Variants in ABCC9 observed in about 807,000 individuals in gnomAD.
ABCC9 encodes ATP-binding cassette sub-family C member 9.
A neutral mutation model predicts 188.3 loss-of-function variants in ABCC9; 95 were observed. The ratio of observed to expected loss-of-function variants is 0.50; its 90% CI spans 0.43 to 0.60. The LOEUF is 0.60. Among genes scored for constraint, ABCC9 ranks in the 20% least tolerant of loss-of-function variants. ABCC9 has a pLI of 0.00. For synonymous variants in ABCC9, 659 were observed against 652.7 expected (o/e 1.01, Z -0.15); for missense variants, 1,102 against 1,876.3 (o/e 0.59, Z 7.62).
At chr12:21,814,585 G>T in intron 35 of ABCC9, 59 bp downstream of exon 35, 1 of 1,371,526 alleles carries the variant, frequency 7.3e-7, no homozygotes, top group South Asian at 1.2e-5. Flanking sequence ...TAGGTAAATT[G>T]ATGTTTTTTT....
chr12:21,861,471 ATCAGCCTGCC>A (rs1945503892), intron 20 of ABCC9, among the ~76,000 whole-genome samples: 1 of 152,130 alleles, frequency 6.6e-6, no homozygotes, highest in African/African-American at 2.4e-5. Context: ...AACTTAGGCA[ATCAGCCTGCC>A]TCAGCCTCCC....
chr12:21,907,682 A>G (rs1178710666), intron 11 of ABCC9, among the ~76,000 whole-genome samples: 1 of 152,006 alleles, frequency 6.6e-6, no homozygotes, highest in Non-Finnish European at 1.5e-5. Flanking sequence ...CCCTAGGGAA[A>G]TATAATTTCA....
At chr12:21,863,171 G>A in intron 19 of ABCC9, 117 bp from the exon 20 acceptor site, 2 of 721,066 alleles carry the variant, frequency 2.8e-6, no homozygotes, top group South Asian at 1.8e-5. Flanking sequence ...ATACAGAAAT[G>A]GAAAACTTCT....
intron 31 of ABCC9, among the ~76,000 whole-genome samples, chr12:21,825,439 T>C (rs548840625): frequency 1.3e-5 from 2 of 152,304 alleles, no homozygotes; most frequent in Admixed American, 6.5e-5. Flanking sequence ...ATGGCACATA[T>C]ACACCATGGA....
At chr12:21,820,173 T>C (rs2137211529) in intron 31 of ABCC9, among the ~76,000 whole-genome samples, 1 of 152,252 alleles carries the variant, frequency 6.6e-6, no homozygotes, top group South Asian at 2.1e-4. Context: ...AAAAGTCTCA[T>C]AGAGTTTCTG....
chr12:21,826,559 T>C lies in ABCC9; in HGVS notation c.3669+2399A>G, dbSNP rs532949997. ...GCATATGTTCTTGGATTATAGTATT[T>C]ATATTTAAATACACCTGGTTCCAAT... On this transcript the variant is annotated intron_variant, in intron 31 of 39. Coordinates refer to ENST00000261200, the MANE Select transcript of ABCC9 (RefSeq NM_020297.4). Among the ~76,000 whole-genome samples the C allele has an allele frequency of 3.3e-5, 5 of 152,328 alleles. No homozygotes were observed. The East Asian group carries it at 7.7e-4, about 24-fold the overall frequency.
At chr12:21,919,523 C>T (rs1187537715) in intron 5 of ABCC9, among the ~76,000 whole-genome samples, 1 of 151,596 alleles carries the variant, frequency 6.6e-6, no homozygotes, top group Non-Finnish European at 1.5e-5. Flanking sequence ...GGAAATTAGA[C>T]AATATATTTA....
chr12:21,895,316 CTG>C lies in ABCC9; in HGVS notation c.1619-3_1619-2del, dbSNP rs751999610. Reference sequence around the variant, plus strand: ...ATGGGAATTGCTGCATTCATGAAGACTGTGGAAAGAAATAAAATGCATTAGTT... The same window carrying C: ...ATGGGAATTGCTGCATTCATGAAGACTGGAAAGAAATAAAATGCATTAGTT... On this transcript the variant is annotated splice_acceptor_variant and splice_polypyrimidine_tract_variant and intron_variant, in intron 12 of 39. Coordinates refer to ENST00000261200, the MANE Select transcript of ABCC9 (RefSeq NM_020297.4). LOFTEE classifies it high-confidence loss of function. The C allele has an allele frequency of 1.7e-5, 27 of 1,613,028 alleles. No individual in the cohort carries two copies. In the South Asian group the frequency reaches 2.6e-4, roughly 16 times the overall value.
At chr12:21,891,574 A>G (rs1017431172) in intron 14 of ABCC9, among the ~76,000 whole-genome samples, 1 of 152,176 alleles carries the variant, frequency 6.6e-6, no homozygotes, top group Non-Finnish European at 1.5e-5. Context: ...TAATAAGCCA[A>G]ACCTTATTAA....
intron 25 of ABCC9, among the ~76,000 whole-genome samples, chr12:21,847,827 A>G (rs1470566140): frequency 6.6e-6 from 1 of 152,216 alleles, no homozygotes; most frequent in African/African-American, 2.4e-5. Flanking sequence ...TTTCTTAAGC[A>G]GATTTGGTCA....
intron 19 of ABCC9, among the ~76,000 whole-genome samples, chr12:21,863,843 G>A (rs1028130096): frequency 3.3e-5 from 5 of 152,010 alleles, no homozygotes; most frequent in South Asian, 2.1e-4. Context: ...AAGAGAGCAA[G>A]GTTAAAAAAG....
intron 6 of ABCC9, among the ~76,000 whole-genome samples, chr12:21,916,364 T>C (rs949098420): frequency 6.6e-5 from 10 of 152,134 alleles, no homozygotes; most frequent in African/African-American, 2.4e-4. Flanking sequence ...AGTTCAAAGT[T>C]CTCTGATAAA....
intron 20 of ABCC9, 143 bp downstream of exon 20, chr12:21,862,810 G>T: frequency 3.1e-6 from 2 of 643,754 alleles, no homozygotes; most frequent in Non-Finnish European, 2.8e-6. Context: ...TGATTCAAAA[G>T]ACCTTGGTGA....
intron 22 of ABCC9, among the ~76,000 whole-genome samples, chr12:21,857,864 A>T (rs1242111697): frequency 1.3e-5 from 2 of 152,174 alleles, no homozygotes; most frequent in Non-Finnish European, 2.9e-5. Flanking sequence ...ATAGAAGTAT[A>T]AGATAATATA....
chr12:21,814,230 C>G (rs1942451590), intron 35 of ABCC9, among the ~76,000 whole-genome samples: 1 of 152,120 alleles, frequency 6.6e-6, no homozygotes, highest in African/African-American at 2.4e-5. Flanking sequence ...AGTCATGTAC[C>G]AAAATTTAAA....
At chr12:21,845,553 A>T in intron 26 of ABCC9, 50 bp downstream of exon 26, 1 of 1,440,884 alleles carries the variant, frequency 6.9e-7, no homozygotes, top group Non-Finnish European at 9.7e-7. Context: ...TATCACTGTT[A>T]ATCTCAATAT....
chr12:21,895,286 C>CTA lies in ABCC9; in HGVS notation c.1647_1648insTA (p.Ala550Ter). 1 of 1,613,706 alleles carries CTA rather than the reference C, an allele frequency of 6.2e-7. No individual in the cohort carries two copies. The highest frequency in any genetic ancestry group is 8.5e-7 in the Non-Finnish European group (1 of 1,179,676). On this transcript the variant is annotated frameshift_variant, in exon 13 of 40. Transcript: ENST00000261200. LOFTEE classifies it high-confidence loss of function. ...AAAAAGTGTCTTACAGCAAGAACAGCTGCTATGGGAATTGCTGCATTCATG... is the reference window on the plus strand; with the variant it reads ...AAAAAGTGTCTTACAGCAAGAACAGCTATGCTATGGGAATTGCTGCATTCATG...
At chr12:21,871,550 T>G (rs1180094130) in intron 18 of ABCC9, among the ~76,000 whole-genome samples, 2 of 152,182 alleles carry the variant, frequency 1.3e-5, no homozygotes, top group Non-Finnish European at 2.9e-5. Context: ...AGGCCCATAG[T>G]CTTCTCATTC....
intron 31 of ABCC9, 97 bp from the exon 32 acceptor site, chr12:21,818,348 C>T: frequency 2.2e-6 from 2 of 894,274 alleles, no homozygotes; most frequent in Non-Finnish European, 1.9e-6. Flanking sequence ...GAATACACAT[C>T]ATTCCATGTG....
Sources: allele counts gnomAD v4.1 joint callset (sites outside exome capture counted in the v4.1 genomes callset), GRCh38; gene constraint gnomAD v4.1.1; transcripts MANE v1.5; gene names NCBI Gene and HGNC (gene_info 2026-07-23, HGNC 2026-07-21).